The following TIMM23 variants were observed in gnomAD, a reference collection of about 807,000 sequenced individuals.
TIMM23 encodes the protein translocase of inner mitochondrial membrane 23.
Under a neutral mutation model 30.7 loss-of-function variants are expected in TIMM23, and 19 were observed. The ratio of observed to expected loss-of-function variants is 0.62; its 90% CI spans 0.43 to 0.91. The LOEUF is 0.91. Ranked by LOEUF, TIMM23 falls within the 40% of genes least tolerant of loss-of-function variation. The pLI is 0.00. For missense variants in TIMM23, 202 were observed against 269.2 expected (o/e 0.75, Z 1.75); for synonymous variants, 78 against 98.5 (o/e 0.79, Z 1.23).
chr10:45,995,284 T>C (rs1838295122), intron 6 of TIMM23, among the ~76,000 whole-genome samples: 1 of 152,046 alleles, frequency 6.6e-6, no homozygotes, highest in Non-Finnish European at 1.5e-5. Flanking sequence ...TAATATCAAA[T>C]ATTCAGCCTT....
intron 6 of TIMM23, among the ~76,000 whole-genome samples, chr10:45,993,837 C>T (rs1838245041): frequency 1.3e-5 from 2 of 149,998 alleles, no homozygotes. Flanking sequence ...AATGAGATGA[C>T]ATGAGATGAA....
chr10:45,976,729 A>G (rs1368121948), intron 2 of TIMM23, among the ~76,000 whole-genome samples: 3 of 152,120 alleles, frequency 2.0e-5, no homozygotes, highest in Non-Finnish European at 2.9e-5. Context: ...CCCTAAGATC[A>G]GGAACAAAAT....
rs1369487546 is a variant in TIMM23, at chr10:45,996,038, G to A, written c.515-7165G>A. 1.1e-4 allele frequency among the ~76,000 whole-genome samples: 16 copies of A among 149,628 alleles called. No individual in the cohort carries two copies. In the East Asian group the frequency reaches 1.3e-3, roughly 13 times the overall value. On this transcript the variant is annotated intron_variant, in intron 6 of 6. Transcript: ENST00000580018. ...GCTGCCTTTCGGAGGCAAGAATATA[G>A]AACATGTGTAGTTAATTAAGCTATT...
At chr10:45,981,185 C>A (rs1270456527) in intron 2 of TIMM23, among the ~76,000 whole-genome samples, 2 of 147,024 alleles carry the variant, frequency 1.4e-5, no homozygotes, top group African/African-American at 5.1e-5. Flanking sequence ...GCAGTCCACC[C>A]GACTCGGCTT....
intron 1 of TIMM23, among the ~76,000 whole-genome samples, chr10:45,974,275 A>G (rs1425087657): frequency 6.6e-6 from 1 of 152,140 alleles, no homozygotes; most frequent in Non-Finnish European, 1.5e-5. Context: ...TAAGTGCTGT[A>G]AAGGGAATAA....
At chr10:45,991,117 G>C (rs587596350) in intron 6 of TIMM23, among the ~76,000 whole-genome samples, 2 of 152,326 alleles carry the variant, frequency 1.3e-5, no homozygotes, top group East Asian at 3.9e-4. Context: ...CTAGAAAAGG[G>C]AAAGAAGTAA....
rs559719392 is a variant in TIMM23, at chr10:46,003,264, A to C, written c.576A>C (p.Ala192=). The change falls in exon 7 of 7, where the codon GCA becomes GCC. Residue 192 remains alanine, a synonymous_variant. Transcript: ENST00000580018. ...LTGLTLTSLY[A]LYNNWEHMKG... ...GACTAACACTTACCAGCCTCTATGC[A>C]CTATATAATAACTGGGAGCACATGA... The C allele has an allele frequency of 6.2e-7, 1 of 1,614,168 alleles. No homozygotes were observed. The highest frequency in any genetic ancestry group is 1.3e-5 in the African/African-American group (1 of 75,044).
chr10:45,987,720 C>G (rs1838034261), intron 5 of TIMM23, among the ~76,000 whole-genome samples: 1 of 150,782 alleles, frequency 6.6e-6, no homozygotes, highest in Admixed American at 6.6e-5. Flanking sequence ...TTAAGCAAGC[C>G]TCCCACCTCA....
chr10:45,979,646 T>G lies in TIMM23; in HGVS notation c.166-2877T>G, dbSNP rs1837786298. 2.1e-5 allele frequency among the ~76,000 whole-genome samples: 3 copies of G among 141,302 alleles called. No individual in the cohort carries two copies. The South Asian group carries it at 6.9e-4, about 32-fold the overall frequency. 92.7% of individuals were successfully genotyped at this position (141,302 alleles called of 152,430 possible). A position where few individuals can be genotyped will look rare whatever the true frequency, so the allele number is the denominator to read the frequency against. On this transcript the variant is annotated intron_variant, in intron 2 of 6. Coordinates refer to ENST00000580018, the MANE Select transcript of TIMM23 (RefSeq NM_006327.4). ...TTTTTTTTTTTTTAAGCATTATGGT[T>G]GGAACCTTTTATTTCACAGTTGAAT...
At chr10:45,993,820 G>A (rs1273692916) in intron 6 of TIMM23, among the ~76,000 whole-genome samples, 14 of 151,602 alleles carry the variant, frequency 9.2e-5, no homozygotes, top group Admixed American at 4.6e-4. Context: ...TCTCCATCTC[G>A]AAATGAAATG....
At chr10:45,991,179 C>G (rs1838152816) in intron 6 of TIMM23, among the ~76,000 whole-genome samples, 1 of 152,124 alleles carries the variant, frequency 6.6e-6, no homozygotes, top group Non-Finnish European at 1.5e-5. Flanking sequence ...TCTGATGTAT[C>G]TGTTTGATTA....
intron 6 of TIMM23, among the ~76,000 whole-genome samples, chr10:46,002,970 A>G (rs1182773331): frequency 2.0e-5 from 3 of 152,008 alleles, no homozygotes; most frequent in African/African-American, 4.8e-5. Context: ...CTATAAGCAC[A>G]CATCACCACA....
chr10:45,978,052 A>G (rs1272327775), intron 2 of TIMM23, among the ~76,000 whole-genome samples: 4 of 152,044 alleles, frequency 2.6e-5, no homozygotes, highest in African/African-American at 9.7e-5. Context: ...TAAAAAAATA[A>G]ATAAAGAATG....
chr10:45,996,800 C>T (rs1250593360), intron 6 of TIMM23, among the ~76,000 whole-genome samples: 11 of 151,596 alleles, frequency 7.3e-5, no homozygotes, highest in African/African-American at 2.7e-4. Context: ...TGGTGAAACC[C>T]TGTCTATACA....
chr10:45,979,367 G>A (rs1837774292), intron 2 of TIMM23, among the ~76,000 whole-genome samples: 1 of 152,090 alleles, frequency 6.6e-6, no homozygotes, highest in South Asian at 2.1e-4. Context: ...CAGCATCATA[G>A]CTCACTGTAA....
intron 6 of TIMM23, among the ~76,000 whole-genome samples, chr10:46,000,440 G>T (rs1383529979): frequency 6.6e-6 from 1 of 152,186 alleles, no homozygotes; most frequent in Non-Finnish European, 1.5e-5. Context: ...CGCTGGTCTT[G>T]AACTCCTGGG....
At chr10:45,985,895 T>A (rs1338517554) in intron 5 of TIMM23, among the ~76,000 whole-genome samples, 2 of 152,236 alleles carry the variant, frequency 1.3e-5, no homozygotes, top group African/African-American at 4.8e-5. Context: ...TTGCCACAAT[T>A]GGAATAGGTT....
chr10:45,989,124 C>T (rs1244758501), intron 6 of TIMM23, among the ~76,000 whole-genome samples: 1 of 152,136 alleles, frequency 6.6e-6, no homozygotes, highest in Non-Finnish European at 1.5e-5. Flanking sequence ...TACTCTGTAC[C>T]TATTAAGCCT....
In TIMM23 at chr10:45,988,806, T is replaced by A; in HGVS notation, c.473T>A (p.Val158Glu). 1 of 1,613,808 alleles carries A rather than the reference T, an allele frequency of 6.2e-7. No homozygotes were observed. The highest frequency in any genetic ancestry group is 8.5e-7 in the Non-Finnish European group (1 of 1,179,756). The change falls in exon 6 of 7, where the codon GTA (valine) becomes GAA (glutamate). Residue 158 changes from valine to glutamate, a missense_variant. By Grantham distance (121) the Val-to-Glu change is moderately radical. Coordinates refer to ENST00000580018, the MANE Select transcript of TIMM23 (RefSeq NM_006327.4). ...GGTGCAGAAGATGACCTTAACACAG[T>A]AGCAGCTGGAACCATGACAGGCATG... ...TRGAEDDLNT[V>E]AAGTMTGMLY... is the part of the protein sequence containing the mutation.
Sources: allele counts gnomAD v4.1 joint callset (sites outside exome capture counted in the v4.1 genomes callset), GRCh38; gene constraint gnomAD v4.1.1; transcripts MANE v1.5; gene names NCBI Gene and HGNC (gene_info 2026-07-23, HGNC 2026-07-21).